Variants in ADAMTS17 observed in about 807,000 individuals in gnomAD.
The protein encoded by ADAMTS17 is A disintegrin and metalloproteinase with thrombospondin motifs 17.
In ADAMTS17, 113 loss-of-function variants were observed where a neutral mutation model predicts 141.5. The observed-to-expected ratio is 0.80, with a 90% CI of 0.69 to 0.93. ADAMTS17 has a LOEUF of 0.93. Among genes scored for constraint, ADAMTS17 ranks in the 40% least tolerant of loss-of-function variants. The pLI is 0.00. For missense variants in ADAMTS17, 1,659 were observed against 1,517.9 expected, an observed-to-expected ratio of 1.09 and a Z score of -1.54; for synonymous variants, 768 against 630.6, an observed-to-expected ratio of 1.22 and a Z score of -3.27.
chr15:100,130,535 C>T (rs2037985579), intron 12 of ADAMTS17, among the ~76,000 whole-genome samples: 1 of 152,092 alleles, frequency 6.6e-6, no homozygotes, highest in Non-Finnish European at 1.5e-5. Context: ...GGAGCATAAC[C>T]CTTCCTTTAA....
intron 3 of ADAMTS17, among the ~76,000 whole-genome samples, chr15:100,324,024 C>CAAA (rs35999702): frequency 0.032 from 4,221 of 133,072 alleles, 105 homozygotes; most frequent in African/African-American, 0.063. Flanking sequence ...TCCTTTCTCT[C>CAAA]AAAAAAAAAA....
rs76580564 is a variant in ADAMTS17, at chr15:100,107,344, T to C, written c.2016+1645A>G. ...GCCAGCATCTGGCTCACCACAGTTCTGTGAGGGCAACGCATGGTGATCCTG... is the reference window on the plus strand; with the variant it reads ...GCCAGCATCTGGCTCACCACAGTTCCGTGAGGGCAACGCATGGTGATCCTG... On this transcript the variant is annotated intron_variant, in intron 14 of 21. Coordinates refer to ENST00000268070, the MANE Select transcript of ADAMTS17 (RefSeq NM_139057.4). 7.7e-3 allele frequency among the ~76,000 whole-genome samples: 1,169 copies of C among 152,260 alleles called. 45 individuals are homozygous for C. The East Asian group carries it at 0.085, about 11-fold the overall frequency.
chr15:100,251,526 C>A (rs1196182575), intron 7 of ADAMTS17, among the ~76,000 whole-genome samples: 1 of 152,234 alleles, frequency 6.6e-6, no homozygotes, highest in Admixed American at 6.5e-5. Flanking sequence ...CAGATCGAGA[C>A]CATCCTGGCT....
At chr15:100,134,738 G>C (rs2038237779) in intron 10 of ADAMTS17, among the ~76,000 whole-genome samples, 1 of 152,216 alleles carries the variant, frequency 6.6e-6, no homozygotes, top group South Asian at 2.1e-4. Flanking sequence ...TTTAAAGAGA[G>C]CTAAGAAAAG....
At position 99,971,470 on chromosome 15, in the gene ADAMTS17, A is replaced by C. The variant is rs1309925410; in HGVS notation, c.*2932T>G. On this transcript the variant is annotated 3_prime_UTR_variant, in exon 22 of 22. Coordinates refer to ENST00000268070, the MANE Select transcript of ADAMTS17 (RefSeq NM_139057.4). ...AAAAACATTTTATTACACATATTCA[A>C]CTTGCTTCCAATGAAATGATTAATT... 1.3e-5 allele frequency: 2 copies of C among 152,170 alleles called. No individual in the cohort carries two copies. Among genetic ancestry groups the C allele is most frequent in the Non-Finnish European group, 2.9e-5 (2 of 68,026 alleles). 9.4% of individuals were successfully genotyped at this position (152,170 alleles called of 1,614,324 possible).
intron 7 of ADAMTS17, among the ~76,000 whole-genome samples, chr15:100,227,127 C>T (rs1172117371): frequency 6.6e-6 from 1 of 152,134 alleles, no homozygotes; most frequent in African/African-American, 2.4e-5. Context: ...ACTGATGAAC[C>T]CCGAGTGCCC....
rs753601742 is a variant in ADAMTS17 at position 99,976,024 on chromosome 15, G to A, written c.3127+21C>T. ...GAGACACAGCAGCCCCCTGGGAACC[G>A]GGGCCAGTGAAGACACTCACCAAGG... On this transcript the variant is annotated intron_variant, in intron 21 of 21. Coordinates refer to ENST00000268070, the MANE Select transcript of ADAMTS17 (RefSeq NM_139057.4). 3.0e-5 allele frequency: 47 copies of A among 1,543,426 alleles called. 1 individual carries two copies. Among genetic ancestry groups the A allele is most frequent in the Admixed American group, 2.6e-4 (13 of 50,630 alleles).
chr15:100,125,343 C>A (rs894844535), intron 12 of ADAMTS17, among the ~76,000 whole-genome samples: 1 of 152,242 alleles, frequency 6.6e-6, no homozygotes, highest in East Asian at 1.9e-4. Flanking sequence ...AATGCCAGAT[C>A]GCTGGCACAT....
intron 15 of ADAMTS17, among the ~76,000 whole-genome samples, chr15:100,082,487 G>A (rs754054107): frequency 3.3e-5 from 5 of 151,696 alleles, no homozygotes; most frequent in Non-Finnish European, 7.4e-5. Context: ...CCCAGCTCAT[G>A]CAATCCTCCT....
intron 10 of ADAMTS17, among the ~76,000 whole-genome samples, chr15:100,139,445 T>C (rs534151183): frequency 5.3e-5 from 8 of 152,176 alleles, no homozygotes; most frequent in African/African-American, 1.9e-4. Context: ...CCCCGAGCTA[T>C]AGGGGGCAGA....
At chr15:100,270,171 G>A (rs371917939) in intron 4 of ADAMTS17, among the ~76,000 whole-genome samples, 2 of 129,124 alleles carry the variant, frequency 1.5e-5, no homozygotes, top group Non-Finnish European at 3.6e-5. Context: ...TTCTTCTGTG[G>A]CTCTGGAGCC....
intron 18 of ADAMTS17, among the ~76,000 whole-genome samples, chr15:100,005,269 C>G (rs1003410053): frequency 6.6e-6 from 1 of 152,160 alleles, no homozygotes; most frequent in Non-Finnish European, 1.5e-5. Flanking sequence ...ACAAATTACC[C>G]CCAACTTAAT....
At chr15:100,268,516 G>C (rs2043797444) in intron 4 of ADAMTS17, among the ~76,000 whole-genome samples, 1 of 152,136 alleles carries the variant, frequency 6.6e-6, no homozygotes, top group African/African-American at 2.4e-5. Flanking sequence ...GTATCTTGTG[G>C]TATTGATTTG....
intron 15 of ADAMTS17, among the ~76,000 whole-genome samples, chr15:100,095,238 C>A (rs1196723364): frequency 6.6e-6 from 1 of 152,174 alleles, no homozygotes. Flanking sequence ...TGACTAGGTA[C>A]CCATCTTTAA....
At chr15:100,228,832 G>A (rs2042388727) in intron 7 of ADAMTS17, among the ~76,000 whole-genome samples, 1 of 152,324 alleles carries the variant, frequency 6.6e-6, no homozygotes, top group African/African-American at 2.4e-5. Context: ...CCCAACCCCA[G>A]CTCTCCCTGC....
intron 8 of ADAMTS17, among the ~76,000 whole-genome samples, chr15:100,176,180 A>C (rs1018848249): frequency 2.0e-5 from 3 of 152,210 alleles, no homozygotes; most frequent in Non-Finnish European, 2.9e-5. Flanking sequence ...GCAGTGAAGA[A>C]AGAAGAGTGG....
At chr15:100,193,578 G>A (rs550615009) in intron 8 of ADAMTS17, among the ~76,000 whole-genome samples, 15 of 152,306 alleles carry the variant, frequency 9.8e-5, no homozygotes, top group Middle Eastern at 3.4e-3. Context: ...TGGGATGTGC[G>A]GAATCTCCTG....
intron 7 of ADAMTS17, among the ~76,000 whole-genome samples, chr15:100,243,259 C>T (rs767813883): frequency 6.6e-6 from 1 of 152,232 alleles, no homozygotes; most frequent in Non-Finnish European, 1.5e-5. Flanking sequence ...TTTCCATATC[C>T]TGGCTATTGT....
At chr15:100,061,449 A>G (rs78015710) in intron 15 of ADAMTS17, among the ~76,000 whole-genome samples, 20,976 of 152,080 alleles carry the variant, frequency 0.14, 2,566 homozygotes, top group African/African-American at 0.33. Flanking sequence ...TTTTGTATAC[A>G]TGGCCCTCAG....
Sources: gnomAD v4.1 joint callset for allele counts (sites outside exome capture counted in the v4.1 genomes callset) on GRCh38, gnomAD v4.1.1 for gene constraint, MANE v1.5 for transcripts, NCBI Gene and HGNC (gene_info 2026-07-23, HGNC 2026-07-21) for gene names.